Variants in ZNF528 observed in about 807,000 individuals in gnomAD.
ZNF528 encodes zinc finger protein 528.
ZNF528 carries 9 observed loss-of-function variants against 13.3 expected under a neutral mutation model. The observed-to-expected ratio is 0.67, with a 90% confidence interval of 0.41 to 1.18. ZNF528 has a LOEUF of 1.18. Among genes scored for constraint, ZNF528 ranks in the 50% most tolerant of loss-of-function variants. The pLI is 0.01. For synonymous variants in ZNF528, 264 were observed against 254.3 expected (o/e 1.04, Z -0.36); for missense variants, 858 against 745.4 (o/e 1.15, Z -1.76).
Position 52,416,689 on chromosome 19 carries a change from G to A in ZNF528, c.1837G>A (p.Val613Ile), listed in dbSNP as rs145865126. ...KPYKCTLCSKVFSHNSDLAQH... is the reference protein window; with the variant it reads ...KPYKCTLCSKIFSHNSDLAQH... ...TTACAAATGCACCCTGTGCAGTAAG[G>A]TCTTCAGTCACAATTCTGACCTTGC... The change falls in exon 7 of 7, where the codon GTC becomes ATC. Residue 613 changes from valine (V) to isoleucine (I), a missense_variant. Transcript: ENST00000360465. 8 of 1,611,546 alleles carry A rather than the reference G, an allele frequency of 5.0e-6. No homozygotes were observed. In the African/African-American group the frequency reaches 5.3e-5, roughly 11 times the overall value.
At chr19:52,410,223 A>G (rs2058913342) in intron 6 of ZNF528, among the ~76,000 whole-genome samples, 1 of 152,202 alleles carries the variant, frequency 6.6e-6, no homozygotes, top group South Asian at 2.1e-4. Flanking sequence ...CAAATGTGGG[A>G]ATAAAAGACA....
rs1430571507 is a variant in ZNF528 at position 52,418,186 on chromosome 19, CGTT to C, written c.*1449_*1451del. 2 of 152,020 alleles carry C rather than the reference CGTT, an allele frequency of 1.3e-5. No individual in the cohort carries two copies. The highest frequency in any genetic ancestry group is 4.8e-5 in the African/African-American group (2 of 41,372). The allele number at this position is 152,020 out of a possible 1,614,324, so 9.4% of individuals were successfully genotyped here. A position where few individuals can be genotyped will look rare whatever the true frequency, so the allele number is the denominator to read the frequency against. ...TTTTAGTAGAGATGGGGTTTCACCACGTTGGCCACACTGGTCTCAAACTCCTGA... is the reference window on the plus strand; with the variant it reads ...TTTTAGTAGAGATGGGGTTTCACCACGGCCACACTGGTCTCAAACTCCTGA... On this transcript the variant is annotated 3_prime_UTR_variant, in exon 7 of 7. Transcript: ENST00000360465.
rs1301785413 is a variant in ZNF528, at chr19:52,416,933, G to A, written c.*194G>A. ...CACACAGATGAATTGTGTGTACTTG[G>A]GCTATTATTCAAGGACCATTGCTAT... On this transcript the variant is annotated 3_prime_UTR_variant, in exon 7 of 7. Coordinates refer to ENST00000360465, the MANE Select transcript of ZNF528 (RefSeq NM_032423.3). 1.0e-5 allele frequency: 6 copies of A among 580,664 alleles called. No homozygotes were observed. Among genetic ancestry groups the A allele is most frequent in the Non-Finnish European group, 1.5e-5 (5 of 337,498 alleles). The allele number at this position is 580,664 out of a possible 1,614,324, so 36.0% of individuals were successfully genotyped here.
At chr19:52,408,135 C>T (rs2058882055) in intron 6 of ZNF528, 1 of 151,820 alleles carries the variant, frequency 6.6e-6, no homozygotes, top group Non-Finnish European at 1.5e-5. Context: ...TTTATGTTCC[C>T]ATTAACATAT....
In ZNF528 at chr19:52,416,499, C is replaced by A. The variant is rs747817861; in HGVS notation, c.1647C>A (p.Tyr549Ter). The A allele has an allele frequency of 6.2e-7, 1 of 1,614,186 alleles. No homozygotes were observed. Among genetic ancestry groups the A allele is most frequent in the Admixed American group, 1.7e-5 (1 of 60,022 alleles). Residue 549 changes from tyrosine to a stop codon, truncating the protein, a stop_gained, in exon 7 of 7, where the codon TAC becomes TAA. Transcript: ENST00000360465. LOFTEE classifies it low-confidence loss of function (END_TRUNC). ...TAATTCATACTGGAGAGAGGCCTTA[C>A]AGATGTAGTAAATGTGGCAAAGCAT... ...HQIIHTGERPYRCSKCGKAFR... is the reference protein window; with the variant it reads ...HQIIHTGERP
chr19:52,401,538 C>A (rs895473033), intron 2 of ZNF528, 147 bp from the exon 3 acceptor site: 4 of 569,852 alleles, frequency 7.0e-6, no homozygotes, highest in African/African-American at 6.0e-5. Flanking sequence ...TCTGTTCTTC[C>A]CGCTCCCTCT....
intron 2 of ZNF528, among the ~76,000 whole-genome samples, chr19:52,399,766 C>T (rs2058769781): frequency 6.6e-6 from 1 of 152,086 alleles, no homozygotes; most frequent in Non-Finnish European, 1.5e-5. Flanking sequence ...AAAGAGCGCT[C>T]AACACAGAAT....
At chr19:52,414,597 C>T in intron 6 of ZNF528, 1 of 437,908 alleles carries the variant, frequency 2.3e-6, no homozygotes, top group South Asian at 2.4e-5. Flanking sequence ...GAGTGATTAC[C>T]TTCAGCAAAC....
chr19:52,416,189 T>TTAGAGAGTTTTC lies in ZNF528; in HGVS notation c.1338_1349dup (p.Arg447_Ser450dup), dbSNP rs756880158. On this transcript the variant is annotated inframe_insertion, in exon 7 of 7. Coordinates refer to ENST00000360465, the MANE Select transcript of ZNF528 (RefSeq NM_032423.3). ...AAATGTAATAAATGTGGCACAGCGT[T>TTAGAGAGTTTTC]TAGAGAGTTTTCAGACCTTACTGCC... is the stretch of plus-strand genomic sequence containing the variant. 2.5e-6 allele frequency: 4 copies of TTAGAGAGTTTTC among 1,613,820 alleles called. No homozygotes were observed. The South Asian group carries it at 4.4e-5, about 18-fold the overall frequency.
chr19:52,416,522 C>T lies in ZNF528; in HGVS notation c.1670C>T (p.Ala557Val). Residue 557 changes from alanine to valine, a missense_variant, in exon 7 of 7, where the codon GCA (alanine) becomes GTA (valine). Ala to Val is a moderately conservative substitution (Grantham distance 64, BLOSUM62 0). Coordinates refer to ENST00000360465, the MANE Select transcript of ZNF528 (RefSeq NM_032423.3). Reference sequence around the variant, plus strand: ...TACAGATGTAGTAAATGTGGCAAAGCATTTCGAGGGTGTTCAGGCCTTACT... The same window carrying T: ...TACAGATGTAGTAAATGTGGCAAAGTATTTCGAGGGTGTTCAGGCCTTACT... ...RPYRCSKCGK[A>V]FRGCSGLTAH... The T allele has an allele frequency of 6.2e-7, 1 of 1,614,110 alleles. No homozygotes were observed. Among genetic ancestry groups the T allele is most frequent in the Non-Finnish European group, 8.5e-7 (1 of 1,180,016 alleles).
In ZNF528 at chr19:52,415,105, T is replaced by A. The variant is rs764122539; in HGVS notation, c.272-19T>A. ...CCATTATCATGGGTTGAAGTTCCAC[T>A]TTTTTCTTTCTGTTTTAGAGAGGAG... On this transcript the variant is annotated intron_variant, in intron 6 of 6. Transcript: ENST00000360465. The A allele has an allele frequency of 1.2e-6, 2 of 1,609,916 alleles. No homozygotes were observed. Among genetic ancestry groups the A allele is most frequent in the Non-Finnish European group, 1.7e-6 (2 of 1,177,948 alleles).
At chr19:52,406,442 C>T in intron 5 of ZNF528, 73 bp from the exon 6 acceptor site, 7 of 1,551,618 alleles carry the variant, frequency 4.5e-6, no homozygotes, top group South Asian at 1.3e-5. Context: ...ATAATATCCT[C>T]TCTCCTCCCT....
Position 52,417,251 on chromosome 19 carries a change from A to G in ZNF528, c.*512A>G. The G allele has an allele frequency of 3.3e-6, 1 of 302,532 alleles. No individual in the cohort carries two copies. Among genetic ancestry groups the G allele is most frequent in the Admixed American group, 4.3e-5 (1 of 23,474 alleles). The allele number at this position is 302,532 out of a possible 1,614,324, so 18.7% of individuals were successfully genotyped here. On this transcript the variant is annotated 3_prime_UTR_variant, in exon 7 of 7. Transcript: ENST00000360465. ...TCCCTGGGAAAGAATCAGTAGGATGACAGGGCTGACTTCATTAGCTGAGGA... is the reference window on the plus strand; with the variant it reads ...TCCCTGGGAAAGAATCAGTAGGATGGCAGGGCTGACTTCATTAGCTGAGGA...
intron 6 of ZNF528, chr19:52,406,916 T>C (rs2058863907): frequency 2.5e-6 from 1 of 406,634 alleles, no homozygotes. Flanking sequence ...TGAAATCTTG[T>C]GAGTTCTGAA....
Position 52,416,932 on chromosome 19 carries a change from G to C in ZNF528, c.*193G>C. 1.7e-6 allele frequency: 1 copy of C among 584,574 alleles called. No individual in the cohort carries two copies. 36.2% of individuals were successfully genotyped at this position (584,574 alleles called of 1,614,324 possible). ...GCACACAGATGAATTGTGTGTACTTGGGCTATTATTCAAGGACCATTGCTA... is the reference window on the plus strand; with the variant it reads ...GCACACAGATGAATTGTGTGTACTTCGGCTATTATTCAAGGACCATTGCTA... On this transcript the variant is annotated 3_prime_UTR_variant, in exon 7 of 7. Coordinates refer to ENST00000360465, the MANE Select transcript of ZNF528 (RefSeq NM_032423.3).
chr19:52,414,309 C>T, intron 6 of ZNF528: 1 of 702,504 alleles, frequency 1.4e-6, no homozygotes, highest in South Asian at 1.5e-5. Flanking sequence ...CACCAGTTGC[C>T]ACCTGCACAG....
Position 52,401,959 on chromosome 19 carries a change from A to C in ZNF528, c.-55A>C. 1 of 1,614,000 alleles carries C rather than the reference A, an allele frequency of 6.2e-7. No individual in the cohort carries two copies. Among genetic ancestry groups the C allele is most frequent in the Non-Finnish European group, 8.5e-7 (1 of 1,179,960 alleles). ...TTTTGACATTCAGGATTCACTTCCA[A>C]AGAGACATATTATGCAAGGAAGCAA... On this transcript the variant is annotated 5_prime_UTR_variant, in exon 4 of 7. Transcript: ENST00000360465.
At chr19:52,405,835 CTG>C in intron 4 of ZNF528, 70 bp from the exon 5 acceptor site, 1 of 1,581,710 alleles carries the variant, frequency 6.3e-7, no homozygotes, top group South Asian at 1.1e-5. Flanking sequence ...TCCTTAACGA[CTG>C]TCTTCCCATT....
intron 2 of ZNF528, among the ~76,000 whole-genome samples, chr19:52,401,409 A>G (rs1158493057): frequency 6.6e-6 from 1 of 152,212 alleles, no homozygotes; most frequent in Non-Finnish European, 1.5e-5. Flanking sequence ...ATATTTACTT[A>G]AAATGAGTGA....
Sources: gnomAD v4.1 joint callset for allele counts (sites outside exome capture counted in the v4.1 genomes callset) on GRCh38, gnomAD v4.1.1 for gene constraint, MANE v1.5 for transcripts, NCBI Gene and HGNC (gene_info 2026-07-23, HGNC 2026-07-21) for gene names.